CAST: variants seen among roughly 807,000 people sequenced by gnomAD.
CAST encodes the protein MIR583 host.
CAST carries 76 observed loss-of-function variants against 119.6 expected under a neutral mutation model. The observed-to-expected ratio is 0.64, with a 90% CI of 0.53 to 0.77. The LOEUF (loss-of-function observed/expected upper bound fraction) is 0.77, where lower values mean the gene tolerates loss of function less well. CAST is among the 30% of genes least tolerant of loss of function. The pLI is 0.00. For synonymous variants in CAST, 319 were observed against 331.6 expected (o/e 0.96, Z 0.41); for missense variants, 953 against 946.5 (o/e 1.01, Z -0.09).
At chr5:96,587,077 CAG>C (rs1171035834) in intron 1 of CAST, among the ~76,000 whole-genome samples, 7 of 152,218 alleles carry the variant, frequency 4.6e-5, no homozygotes, top group Non-Finnish European at 1.0e-4. Flanking sequence ...TATTATTGAA[CAG>C]AGTGTTATTT....
the CAST span, among the ~76,000 whole-genome samples, chr5:96,388,769 A>G: frequency 6.6e-5 from 10 of 152,312 alleles, 2 homozygotes; most frequent in African/African-American, 2.2e-4. Context: ...TACTCACAGC[A>G]TGTACATGGT....
intron 1 of CAST, among the ~76,000 whole-genome samples, chr5:96,599,973 A>AAAAAAAAAAAAAAAAAAAAG (rs1319922230): frequency 1.1e-5 from 1 of 90,084 alleles, no homozygotes; most frequent in Non-Finnish European, 3.1e-5. Flanking sequence ...AGGCAAAAAA[A>AAAAAAAAAAAAAAAAAAAAG]AAAAAAAAAA....
At chr5:96,643,180 G>A (rs1316083624) in intron 1 of CAST, among the ~76,000 whole-genome samples, 1 of 152,122 alleles carries the variant, frequency 6.6e-6, no homozygotes, top group Non-Finnish European at 1.5e-5. Context: ...TTGAGAGTAG[G>A]GCACTGAGAT....
chr5:96,493,325 C>T, the CAST span, among the ~76,000 whole-genome samples: 1 of 152,098 alleles, frequency 6.6e-6, no homozygotes, highest in East Asian at 1.9e-4. Context: ...CCTCTTCACC[C>T]TAGATAAAGT....
At chr5:96,284,869 T>C in the CAST span, among the ~76,000 whole-genome samples, 1 of 152,202 alleles carries the variant, frequency 6.6e-6, no homozygotes, top group African/African-American at 2.4e-5. Context: ...TGAGTCTTCA[T>C]GGAAAGTGAA....
intron 1 of CAST, among the ~76,000 whole-genome samples, chr5:96,587,059 G>A (rs893750219): frequency 2.0e-5 from 3 of 152,160 alleles, no homozygotes; most frequent in African/African-American, 7.2e-5. Context: ...ACCTCACACT[G>A]CCTCAGCTAT....
At chr5:96,458,555 A>G in the CAST span, among the ~76,000 whole-genome samples, 1 of 152,220 alleles carries the variant, frequency 6.6e-6, no homozygotes, top group South Asian at 2.1e-4. Context: ...AAGAAAGAAT[A>G]GCACAAAAAA....
chr5:96,742,931 C>G (rs1468243568), intron 16 of CAST, among the ~76,000 whole-genome samples, 175 bp downstream of exon 16: 2 of 152,218 alleles, frequency 1.3e-5, no homozygotes, highest in Non-Finnish European at 1.5e-5. Context: ...AGTTACATGA[C>G]TGACTTGTGA....
At chr5:96,374,857 G>C in the CAST span, among the ~76,000 whole-genome samples, 2 of 152,148 alleles carry the variant, frequency 1.3e-5, no homozygotes, top group African/African-American at 4.8e-5. Flanking sequence ...TGGCGCTGGA[G>C]TTTCCGGCTC....
At chr5:96,021,234 G>A in the CAST span, among the ~76,000 whole-genome samples, 1 of 152,260 alleles carries the variant, frequency 6.6e-6, no homozygotes, top group South Asian at 2.1e-4. Context: ...CTGTATAACT[G>A]TGTGCTTTCT....
the CAST span, among the ~76,000 whole-genome samples, chr5:96,464,274 CTG>C: frequency 6.6e-6 from 1 of 152,040 alleles, no homozygotes; most frequent in South Asian, 2.1e-4. Context: ...ATATTATAAA[CTG>C]TTTTTCTATG....
At chr5:96,588,038 G>A (rs904578475) in intron 1 of CAST, among the ~76,000 whole-genome samples, 4 of 151,972 alleles carry the variant, frequency 2.6e-5, no homozygotes, top group African/African-American at 9.7e-5. Flanking sequence ...CCATGATCCA[G>A]TCATCACCTG....
chr5:96,677,269 G>T (rs545741392), intron 2 of CAST, among the ~76,000 whole-genome samples: 1 of 152,264 alleles, frequency 6.6e-6, no homozygotes, highest in South Asian at 2.1e-4. Flanking sequence ...TGCCTAAAAA[G>T]GAAGTTTTCT....
chr5:96,408,213 T>C, the CAST span: 64 of 1,601,114 alleles, frequency 4.0e-5, no homozygotes, highest in South Asian at 4.3e-4. Context: ...AGAAGCTTTC[T>C]GGGCCTTACT....
chr5:96,019,940 G>A, the CAST span, among the ~76,000 whole-genome samples: 1 of 152,144 alleles, frequency 6.6e-6, no homozygotes, highest in Admixed American at 6.5e-5. Context: ...TTAAGCATGT[G>A]CCTCTTGCCA....
intron 1 of CAST, chr5:96,662,965 G>C (rs998040561): frequency 1.5e-5 from 9 of 600,758 alleles, no homozygotes; most frequent in Non-Finnish European, 2.6e-5. Flanking sequence ...CGGGGCCTGC[G>C]CCGGGCCCCA....
chr5:96,532,733 C>G (rs1261834878), intron 1 of CAST, among the ~76,000 whole-genome samples: 1 of 152,084 alleles, frequency 6.6e-6, no homozygotes, highest in Non-Finnish European at 1.5e-5. Context: ...ACCTGTAATC[C>G]CAGCTACTTG....
the CAST span, among the ~76,000 whole-genome samples, chr5:95,981,062 A>G: frequency 6.6e-6 from 1 of 152,136 alleles, no homozygotes; most frequent in African/African-American, 2.4e-5. Context: ...GAAAAGGCCT[A>G]TGGGACCCAA....
At chr5:96,201,761 G>C in the CAST span, among the ~76,000 whole-genome samples, 1 of 152,020 alleles carries the variant, frequency 6.6e-6, no homozygotes, top group Non-Finnish European at 1.5e-5. Context: ...TGAATGTGTT[G>C]AATATTACCC....
Sources: allele counts gnomAD v4.1 joint callset (sites outside exome capture counted in the v4.1 genomes callset), GRCh38; gene constraint gnomAD v4.1.1; transcripts MANE v1.5; gene names NCBI Gene and HGNC (gene_info 2026-07-23, HGNC 2026-07-21).